DSG1: variants seen among roughly 807,000 people sequenced by gnomAD.
The protein encoded by DSG1 is desmoglein-1.
In DSG1, 39 loss-of-function variants were observed where a neutral mutation model predicts 97.5. That is an observed-to-expected ratio of 0.40 (90% CI 0.31 to 0.52). The LOEUF is 0.52. DSG1 is among the 20% of genes least tolerant of loss of function. The pLI is 0.53. For missense variants in DSG1, 1,311 were observed against 1,295.4 expected (o/e 1.01, Z -0.18); for synonymous variants, 475 against 443.4 (o/e 1.07, Z -0.90).
intron 11 of DSG1, among the ~76,000 whole-genome samples, chr18:31,341,784 C>T (rs1026982376): frequency 1.5e-5 from 2 of 134,570 alleles, no homozygotes; most frequent in Non-Finnish European, 3.2e-5. Flanking sequence ...TTATTTATTA[C>T]CAACTAACAT....
intron 8 of DSG1, 95 bp downstream of exon 8, chr18:31,334,297 C>A (rs1325783840): frequency 1.1e-6 from 1 of 879,016 alleles, no homozygotes; most frequent in Non-Finnish European, 1.8e-6. Flanking sequence ...ACAAACTTGG[C>A]TTAGTGAAAG....
At chr18:31,328,847 A>G (rs574685228) in intron 4 of DSG1, among the ~76,000 whole-genome samples, 1 of 152,264 alleles carries the variant, frequency 6.6e-6, no homozygotes, top group East Asian at 1.9e-4. Context: ...CATATTCCTC[A>G]AGCTCACCTG....
chr18:31,342,575 T>C (rs79458437), intron 11 of DSG1, among the ~76,000 whole-genome samples: 6 of 152,170 alleles, frequency 3.9e-5, no homozygotes, highest in African/African-American at 1.4e-4. Context: ...AATAAATAGA[T>C]AAATAAGAAA....
rs2071973680 is a variant in DSG1 at position 31,358,049 on chromosome 18, T to C, written c.*2703T>C. On this transcript the variant is annotated 3_prime_UTR_variant, in exon 15 of 15. Coordinates refer to ENST00000257192, the MANE Select transcript of DSG1 (RefSeq NM_001942.4). ...TCATGTCATAGACCAAGAAGAGATA[T>C]GGAAATTATTTTATAAGTGAATACT... Among the ~76,000 whole-genome samples the C allele has an allele frequency of 6.6e-6, 1 of 152,026 alleles. No homozygotes were observed. The highest frequency in any genetic ancestry group is 1.5e-5 in the Non-Finnish European group (1 of 67,894).
At chr18:31,352,262 G>A (rs2144122300) in intron 14 of DSG1, among the ~76,000 whole-genome samples, 1 of 151,108 alleles carries the variant, frequency 6.6e-6, no homozygotes, top group Non-Finnish European at 1.5e-5. Context: ...ATTCTGGGTT[G>A]AAAATTCTTT....
chr18:31,332,450 T>A (rs1568041800), intron 6 of DSG1, among the ~76,000 whole-genome samples: 1 of 152,186 alleles, frequency 6.6e-6, no homozygotes, highest in Non-Finnish European at 1.5e-5. Context: ...GACTGACCAA[T>A]CTTTTTATTT....
chr18:31,320,950 G>A (rs1212871850), intron 1 of DSG1, among the ~76,000 whole-genome samples: 1 of 152,130 alleles, frequency 6.6e-6, no homozygotes, highest in Non-Finnish European at 1.5e-5. Flanking sequence ...ATCTGAAGAT[G>A]TCTTTTTCTA....
intron 1 of DSG1, among the ~76,000 whole-genome samples, chr18:31,323,976 CTTTTT>C (rs1203163479): frequency 2.1e-5 from 2 of 94,984 alleles, no homozygotes; most frequent in South Asian, 4.4e-4. Context: ...TCTCTCCTTC[CTTTTT>C]TTTTTTTTTT....
At position 31,338,334 on chromosome 18, in the gene DSG1, C is replaced by A. The variant is rs779972510; in HGVS notation, c.1285C>A (p.Pro429Thr). 1.9e-6 allele frequency: 3 copies of A among 1,613,556 alleles called. No individual in the cohort carries two copies. Among genetic ancestry groups the A allele is most frequent in the Admixed American group, 1.7e-5 (1 of 59,990 alleles). Residue 429 changes from proline to threonine, a missense_variant, in exon 10 of 15, where the codon CCA becomes ACA. By Grantham distance (38) the Pro-to-Thr change is conservative (BLOSUM62 -1). Around this residue, in one of 3 missense-constraint regions of DSG1, gnomAD observed 1,038 missense variants for 964.6 expected, o/e 1.08. Coordinates refer to ENST00000257192, the MANE Select transcript of DSG1 (RefSeq NM_001942.4). ...TTVRYVMGNN[P>T]ADLLAVDSRT... Reference sequence around the variant, plus strand: ...ATACAGGTATGTAATGGGAAATAATCCAGCTGACCTGCTAGCTGTTGATTC... The same window carrying A: ...ATACAGGTATGTAATGGGAAATAATACAGCTGACCTGCTAGCTGTTGATTC...
rs752740323 is a variant in DSG1 at position 31,339,930 on chromosome 18, A to G, written c.1592A>G (p.Glu531Gly). 5.0e-6 allele frequency: 8 copies of G among 1,614,070 alleles called. No individual in the cohort carries two copies. The South Asian group carries it at 7.7e-5, about 16-fold the overall frequency. ...GACTCTAGCCAAGTATATTCTTCTG[A>G]ACCCGGAAACGGAGCCAAAGATTTG... ...STDSSQVYSS[E>G]PGNGAKDLLS... The change falls in exon 11 of 15, where the codon GAA (glutamate) becomes GGA (glycine). Residue 531 changes from glutamate to glycine, a missense_variant. By Grantham distance (98) the Glu-to-Gly change is moderately conservative. Around this residue, in one of 3 missense-constraint regions of DSG1, gnomAD observed 1,038 missense variants for 964.6 expected, o/e 1.08. Transcript: ENST00000257192.
intron 6 of DSG1, among the ~76,000 whole-genome samples, chr18:31,332,953 C>G (rs1374674350): frequency 6.6e-6 from 1 of 152,148 alleles, no homozygotes; most frequent in East Asian, 1.9e-4. Flanking sequence ...ACTCTGCAGC[C>G]ATTGGGAAGC....
At chr18:31,338,497 G>GT in intron 10 of DSG1, 43 bp downstream of exon 10, 1 of 1,590,874 alleles carries the variant, frequency 6.3e-7, no homozygotes, top group Non-Finnish European at 8.6e-7. Flanking sequence ...AGAGAAAGCT[G>GT]TATATACCTT....
chr18:31,354,061 T>A, intron 14 of DSG1: 2 of 509,764 alleles, frequency 3.9e-6, no homozygotes, highest in East Asian at 7.0e-5. Context: ...TATAAATAAG[T>A]CCATCTAAGT....
In DSG1 at chr18:31,356,780, A is replaced by G. The variant is rs1186209058; in HGVS notation, c.*1434A>G. 1.3e-5 allele frequency: 2 copies of G among 152,176 alleles called. No individual in the cohort carries two copies. Among genetic ancestry groups the G allele is most frequent in the Non-Finnish European group, 2.9e-5 (2 of 68,010 alleles). The allele number at this position is 152,176 out of a possible 1,614,324, so 9.4% of individuals were successfully genotyped here. On this transcript the variant is annotated 3_prime_UTR_variant, in exon 15 of 15. Coordinates refer to ENST00000257192, the MANE Select transcript of DSG1 (RefSeq NM_001942.4). ...GATTTATAGGTAGTGTCCAAATTATATAGTATAACATATTTTTCTAGTTTC... is the reference window on the plus strand; with the variant it reads ...GATTTATAGGTAGTGTCCAAATTATGTAGTATAACATATTTTTCTAGTTTC...
intron 11 of DSG1, among the ~76,000 whole-genome samples, chr18:31,342,290 T>A (rs958696666): frequency 2.6e-5 from 4 of 152,170 alleles, no homozygotes; most frequent in Non-Finnish European, 4.4e-5. Flanking sequence ...AAAAGATTTA[T>A]AAATTATATA....
At chr18:31,349,461 G>C (rs984214213) in intron 14 of DSG1, among the ~76,000 whole-genome samples, 7 of 150,878 alleles carry the variant, frequency 4.6e-5, no homozygotes, top group Admixed American at 4.6e-4. Context: ...TCCTTTTTTG[G>C]TTCCATATGA....
chr18:31,335,355 A>G (rs767571315), intron 8 of DSG1, among the ~76,000 whole-genome samples: 1 of 152,194 alleles, frequency 6.6e-6, no homozygotes, highest in Non-Finnish European at 1.5e-5. Context: ...TTAGGATTCA[A>G]TACTGGGGAA....
At chr18:31,325,054 T>C (rs1268257109) in intron 1 of DSG1, among the ~76,000 whole-genome samples, 2 of 146,146 alleles carry the variant, frequency 1.4e-5, no homozygotes, top group African/African-American at 4.9e-5. Flanking sequence ...CAGATTTCAC[T>C]ATTTTGCCTT....
rs3034268 is a variant in DSG1 at position 31,334,329 on chromosome 18, AAT to A, written c.1005+137_1005+138del. ...AAAGAATAAAAATTACTGTGTTTTA[AAT>A]ATATATATAACATAGAGCTTTTTAA... On this transcript the variant is annotated intron_variant, in intron 8 of 14. Coordinates refer to ENST00000257192, the MANE Select transcript of DSG1 (RefSeq NM_001942.4). 0.44 allele frequency: 263,959 copies of A among 604,586 alleles called. 64,265 individuals carry two copies. Among genetic ancestry groups the A allele is most frequent in the Non-Finnish European group, 0.49 (167,006 of 343,524 alleles). 37.5% of individuals were successfully genotyped at this position (604,586 alleles called of 1,614,324 possible). A position where few individuals can be genotyped will look rare whatever the true frequency, so the allele number is the denominator to read the frequency against.
Sources: gnomAD v4.1 joint callset for allele counts (sites outside exome capture counted in the v4.1 genomes callset) on GRCh38, gnomAD v4.1.1 for gene constraint, gnomAD v4.1.1 regional missense constraint, MANE v1.5 for transcripts, NCBI Gene and HGNC (gene_info 2026-07-23, HGNC 2026-07-21) for gene names.